Variants in CAMK1D observed in about 807,000 individuals in gnomAD.
CAMK1D encodes the protein calcium/calmodulin dependent protein kinase ID.
CAMK1D carries 9 observed loss-of-function variants against 47.7 expected under a neutral mutation model. That is an observed-to-expected ratio of 0.19 (90% CI 0.11 to 0.33). The LOEUF (loss-of-function observed/expected upper bound fraction) is 0.33. Ranked by LOEUF, CAMK1D falls within the 10% of genes least tolerant of loss-of-function variation. CAMK1D has a pLI of 1.00. For missense variants in CAMK1D, 291 were observed against 488.7 expected (o/e 0.60, Z 3.81); for synonymous variants, 184 against 184.9 (o/e 0.99, Z 0.04).
At chr10:12,506,657 T>G (rs1057428613) in intron 1 of CAMK1D, among the ~76,000 whole-genome samples, 18 of 152,126 alleles carry the variant, frequency 1.2e-4, no homozygotes, top group Non-Finnish European at 2.4e-4. Flanking sequence ...TAGCTGGGAC[T>G]ACAGGCGTCC....
intron 1 of CAMK1D, among the ~76,000 whole-genome samples, chr10:12,428,907 C>T (rs1840344076): frequency 6.6e-6 from 1 of 152,204 alleles, no homozygotes; most frequent in Admixed American, 6.5e-5. Context: ...TGTCCATACC[C>T]AGAAGAGGGC....
intron 1 of CAMK1D, among the ~76,000 whole-genome samples, chr10:12,382,462 A>G (rs1838372752): frequency 6.6e-6 from 1 of 152,156 alleles, no homozygotes. Flanking sequence ...TAAAGGTGCT[A>G]TAGTCTGTTT....
chr10:12,366,388 C>T (rs1469587070), intron 1 of CAMK1D, among the ~76,000 whole-genome samples: 1 of 152,076 alleles, frequency 6.6e-6, no homozygotes, highest in Non-Finnish European at 1.5e-5. Context: ...GGCTCAGTGG[C>T]TCACACCTGT....
Position 12,751,128 on chromosome 10 carries a change from A to AAGATAAGATAAGATAAGATAAGAT in CAMK1D, c.300-9820_300-9819insAGATAAGATAAGATAAGATAAGAT, listed in dbSNP as rs1564535604. Among the ~76,000 whole-genome samples, 8 of 145,172 alleles carry AAGATAAGATAAGATAAGATAAGAT rather than the reference A, an allele frequency of 5.5e-5. No individual in the cohort carries two copies. In the East Asian group the frequency reaches 1.0e-3, roughly 19 times the overall value. ...TAAGATAAGATAAGATAAGATAAGA[A>AAGATAAGATAAGATAAGATAAGAT]GGCTTCAGAAGGCTTCTTTCGTGAG... On this transcript the variant is annotated intron_variant, in intron 3 of 10. Coordinates refer to ENST00000619168, the MANE Select transcript of CAMK1D (RefSeq NM_153498.4).
chr10:12,360,427 G>GGTATCGGAGTGACCA (rs2131839701), intron 1 of CAMK1D, among the ~76,000 whole-genome samples: 1 of 152,246 alleles, frequency 6.6e-6, no homozygotes, highest in Admixed American at 6.5e-5. Flanking sequence ...CAAGCCAGGA[G>GGTATCGGAGTGACCA]GTATCGGAGT....
rs564960484 is a variant in CAMK1D, at chr10:12,677,185, G to A, written c.299+10375G>A. On this transcript the variant is annotated intron_variant, in intron 3 of 10. Coordinates refer to ENST00000619168, the MANE Select transcript of CAMK1D (RefSeq NM_153498.4). ...GGGGGTCACCGCTGTTAGCTGTCGT[G>A]TGGATATTGTATTCATAATTCATAG... 7.2e-5 allele frequency among the ~76,000 whole-genome samples: 11 copies of A among 152,280 alleles called. No homozygotes were observed. In the South Asian group the frequency reaches 2.3e-3, roughly 32 times the overall value.
rs1318102409 is a variant in CAMK1D at position 12,349,726 on chromosome 10, C to T, written c.-93C>T. 9 of 282,680 alleles carry T rather than the reference C, an allele frequency of 3.2e-5. No homozygotes were observed. The highest frequency in any genetic ancestry group is 4.6e-5 in the Non-Finnish European group (8 of 175,170). The allele number at this position is 282,680 out of a possible 1,614,324, so 17.5% of individuals were successfully genotyped here. ...AAGCTGCGCCGCAGCCCGAGCCGCCCGGCATCCCCGCCGCCTCTGCGCCCG... is the reference window on the plus strand; with the variant it reads ...AAGCTGCGCCGCAGCCCGAGCCGCCTGGCATCCCCGCCGCCTCTGCGCCCG... On this transcript the variant is annotated 5_prime_UTR_variant, in exon 1 of 11. Transcript: ENST00000619168.
At chr10:12,647,145 C>CTT (rs397693477) in intron 2 of CAMK1D, among the ~76,000 whole-genome samples, 2,087 of 76,674 alleles carry the variant, frequency 0.027, 87 homozygotes, top group South Asian at 0.095. Context: ...CCAGGCTAGC[C>CTT]TTTTTTTTTT....
At chr10:12,779,472 C>G (rs765295090) in intron 5 of CAMK1D, among the ~76,000 whole-genome samples, 2 of 152,138 alleles carry the variant, frequency 1.3e-5, no homozygotes. Flanking sequence ...CTCTGTCCCC[C>G]AGGCTGGAGT....
chr10:12,533,910 T>A (rs1040692902), intron 1 of CAMK1D, among the ~76,000 whole-genome samples: 1 of 152,198 alleles, frequency 6.6e-6, no homozygotes, highest in African/African-American at 2.4e-5. Context: ...GGTCACAAGC[T>A]GATTGCTGGA....
At position 12,733,405 on chromosome 10, in the gene CAMK1D, C is replaced by T. The variant is rs11816705; in HGVS notation, c.300-27543C>T. Among the ~76,000 whole-genome samples the T allele has an allele frequency of 7.9e-3, 1,199 of 152,234 alleles. 18 individuals carry two copies. The highest frequency in any genetic ancestry group is 0.027 in the African/African-American group (1,127 of 41,510). Reference sequence around the variant, plus strand: ...TAGGTGGGGAGTCATAAACAATCTCCCAGGTTTCTGGCTTCGTTGACCAGG... The same window carrying T: ...TAGGTGGGGAGTCATAAACAATCTCTCAGGTTTCTGGCTTCGTTGACCAGG... On this transcript the variant is annotated intron_variant, in intron 3 of 10. Coordinates refer to ENST00000619168, the MANE Select transcript of CAMK1D (RefSeq NM_153498.4).
Position 12,586,453 on chromosome 10 carries a change from GAAAAAAAAAAA to G in CAMK1D, c.224+33108_224+33118del, listed in dbSNP as rs201388483. ...GACAGAGCAAGACTTCCTCTCAAAA[GAAAAAAAAAAA>G]AAAAAAAAAATTGAAGAAGGGAGAT... On this transcript the variant is annotated intron_variant, in intron 2 of 10. Transcript: ENST00000619168. Among the ~76,000 whole-genome samples the G allele has an allele frequency of 3.6e-5, 4 of 111,756 alleles. No homozygotes were observed. The East Asian group carries it at 7.4e-4, about 21-fold the overall frequency. 73.3% of individuals were successfully genotyped at this position (111,756 alleles called of 152,430 possible). A position where few individuals can be genotyped will look rare whatever the true frequency, so the allele number is the denominator to read the frequency against.
At chr10:12,519,253 C>G (rs1434659603) in intron 1 of CAMK1D, among the ~76,000 whole-genome samples, 10 of 57,376 alleles carry the variant, frequency 1.7e-4, no homozygotes, top group African/African-American at 5.7e-4. Flanking sequence ...CTGACCCCCC[C>G]ACCTCCCTCC....
intron 1 of CAMK1D, 59 bp from the exon 2 acceptor site, chr10:12,553,166 A>T (rs1038690545): frequency 2.5e-6 from 4 of 1,610,610 alleles, no homozygotes; most frequent in Non-Finnish European, 2.5e-6. Context: ...GGGTGAATGG[A>T]GCCATTGTGA....
rs183358337 is a variant in CAMK1D, at chr10:12,492,907, G to C, written c.93-60318G>C. Among the ~76,000 whole-genome samples, 5 of 152,252 alleles carry C rather than the reference G, an allele frequency of 3.3e-5. No homozygotes were observed. The East Asian group carries it at 9.7e-4, about 29-fold the overall frequency. On this transcript the variant is annotated intron_variant, in intron 1 of 10. Coordinates refer to ENST00000619168, the MANE Select transcript of CAMK1D (RefSeq NM_153498.4). ...TCTTGGTATAGGATTGTTCATCTTT[G>C]GGACTGATTTTAAAGTCCCACTCCC...
In CAMK1D at chr10:12,476,506, T is replaced by A. The variant is rs557797442; in HGVS notation, c.93-76719T>A. Among the ~76,000 whole-genome samples the A allele has an allele frequency of 6.6e-5, 10 of 152,284 alleles. 1 individual carries two copies. The highest frequency in any genetic ancestry group is 2.4e-4 in the African/African-American group (10 of 41,568). On this transcript the variant is annotated intron_variant, in intron 1 of 10. Transcript: ENST00000619168. ...TTACAATGTGACTATAAAATGAAGC[T>A]GGAAAAATGAAATAAAGATACCGTA...
chr10:12,373,956 CAAAAA>C (rs35008954), intron 1 of CAMK1D, among the ~76,000 whole-genome samples: 3 of 86,120 alleles, frequency 3.5e-5, no homozygotes, highest in African/African-American at 9.4e-5. Flanking sequence ...CACTCTTTAT[CAAAAA>C]AAAAAAAAAA....
intron 1 of CAMK1D, among the ~76,000 whole-genome samples, chr10:12,352,715 T>TCGTC (rs1202589324): frequency 1.3e-5 from 2 of 151,086 alleles, no homozygotes; most frequent in African/African-American, 4.9e-5. Flanking sequence ...TTTTGGATTG[T>TCGTC]CGTCCTTTTG....
intron 1 of CAMK1D, among the ~76,000 whole-genome samples, chr10:12,411,331 C>A (rs573191315): frequency 6.6e-6 from 1 of 152,200 alleles, no homozygotes; most frequent in Non-Finnish European, 1.5e-5. Flanking sequence ...TTCCACCATG[C>A]GGATCCACAT....
Sources: allele counts gnomAD v4.1 joint callset (sites outside exome capture counted in the v4.1 genomes callset), GRCh38; gene constraint gnomAD v4.1.1; transcripts MANE v1.5; gene names NCBI Gene and HGNC (gene_info 2026-07-23, HGNC 2026-07-21).